The following PCID2 variants were observed in gnomAD, a reference collection of about 807,000 sequenced individuals.
PCID2 encodes PCI domain-containing protein 2.
PCID2 carries 41 observed loss-of-function variants against 61.3 expected under a neutral mutation model. That is an observed-to-expected ratio of 0.67 (90% CI 0.52 to 0.87). PCID2 has a LOEUF of 0.87. PCID2 is among the 40% of genes least tolerant of loss of function. The probability of loss-of-function intolerance (pLI) is 0.00; values close to 1 mark genes in which losing one functional copy is unlikely to be tolerated. For synonymous variants in PCID2, 187 were observed against 177.8 expected, an observed-to-expected ratio of 1.05 and a Z score of -0.41; for missense variants, 392 against 493.4, an observed-to-expected ratio of 0.79 and a Z score of 1.95.
intron 1 of PCID2, 51 bp downstream of exon 1, chr13:113,208,548 A>G: frequency 6.3e-7 from 1 of 1,593,552 alleles, no homozygotes. Context: ...GGACACACGG[A>G]ACACGCCGAG....
intron 6 of PCID2, among the ~76,000 whole-genome samples, chr13:113,191,735 T>G (rs1435819098): frequency 6.6e-6 from 1 of 152,220 alleles, no homozygotes; most frequent in Non-Finnish European, 1.5e-5. Context: ...GCAACAGGCT[T>G]GCAGATGACC....
At chr13:113,172,299 C>A in the PCID2 span, 1 of 678,798 alleles carries the variant, frequency 1.5e-6, no homozygotes, top group Admixed American at 2.6e-5. Context: ...CTTTCTTTCC[C>A]TGGAACTCTT....
chr13:113,198,540 A>G (rs1272342632), intron 2 of PCID2, among the ~76,000 whole-genome samples: 3 of 152,076 alleles, frequency 2.0e-5, no homozygotes, highest in Admixed American at 2.0e-4. Context: ...CGTCTCTACA[A>G]AAAAAATTAC....
chr13:113,177,809 T>TCCTG lies in PCID2; in HGVS notation c.*388_*389insCAGG, dbSNP rs2037245025. ...AATAGATGTATCCTGGAAGATATAATGAAGAACATGCCATGTGTATAAATT... is the reference window on the plus strand; with the variant it reads ...AATAGATGTATCCTGGAAGATATAATCCTGGAAGAACATGCCATGTGTATAAATT... On this transcript the variant is annotated 3_prime_UTR_variant, in exon 14 of 14. Transcript: ENST00000337344. The TCCTG allele has an allele frequency of 6.4e-6, 1 of 157,114 alleles. No individual in the cohort carries two copies. Among genetic ancestry groups the TCCTG allele is most frequent in the African/African-American group, 2.4e-5 (1 of 41,506 alleles). 9.7% of individuals were successfully genotyped at this position (157,114 alleles called of 1,614,324 possible).
chr13:113,196,049 C>G, intron 5 of PCID2, 132 bp downstream of exon 5: 1 of 652,720 alleles, frequency 1.5e-6, no homozygotes, highest in East Asian at 2.5e-5. Context: ...TAGATATTAC[C>G]ATATGTCAAC....
intron 1 of PCID2, 132 bp downstream of exon 1, chr13:113,208,467 C>T (rs1192604581): frequency 5.2e-6 from 8 of 1,529,536 alleles, no homozygotes; most frequent in Non-Finnish European, 6.1e-6. Context: ...CGCGGCTGCC[C>T]GCCGGGGACC....
chr13:113,179,916 C>A lies in PCID2; in HGVS notation c.986+1G>T. 1 of 1,611,962 alleles carries A rather than the reference C, an allele frequency of 6.2e-7. No homozygotes were observed. The highest frequency in any genetic ancestry group is 8.5e-7 in the Non-Finnish European group (1 of 1,179,006). ...GCCCAATGTGCCGGGGAAATGCTTA[C>A]ACTTTCTTAAAGAGGTTCCTGTAGG... On this transcript the variant is annotated splice_donor_variant, in intron 12 of 13. Transcript: ENST00000337344. LOFTEE classifies it high-confidence loss of function. The surrounding 1 kb of genome is among the most constrained non-coding windows in gnomAD (Gnocchi z 4.3).
downstream of PCID2, among the ~76,000 whole-genome samples, chr13:113,174,129 T>C (rs1277038560): frequency 6.6e-6 from 1 of 150,612 alleles, no homozygotes; most frequent in Non-Finnish European, 1.5e-5. Context: ...TCCCAGCTAC[T>C]GAGGAGGCTG....
At chr13:113,198,929 A>G (rs1416937855) in intron 2 of PCID2, among the ~76,000 whole-genome samples, 7 of 152,222 alleles carry the variant, frequency 4.6e-5, no homozygotes, top group African/African-American at 1.7e-4. Context: ...CTAATGAGTT[A>G]CAGATGGTGC....
intron 6 of PCID2, among the ~76,000 whole-genome samples, chr13:113,192,602 C>T (rs1476217344): frequency 6.6e-6 from 1 of 152,162 alleles, no homozygotes; most frequent in African/African-American, 2.4e-5. Context: ...CAAGAAAAAC[C>T]AGAATTCTGG....
At position 113,198,217 on chromosome 13, in the gene PCID2, A is replaced by G; in HGVS notation, c.174T>C (p.Tyr58=). The G allele has an allele frequency of 6.2e-7, 1 of 1,608,478 alleles. No individual in the cohort carries two copies. Among genetic ancestry groups the G allele is most frequent in the Non-Finnish European group, 8.5e-7 (1 of 1,177,660 alleles). ...TTAAATGAGCTGCAAACATTTCATC[A>G]TAAGGGGGTTCCAAGACTTGTTGAC... ...EKCQQVLEPP[Y]DEMFAAHLRC... The change falls in exon 3 of 14, where the codon TAT becomes TAC. Residue 58 remains tyrosine, a synonymous_variant. Coordinates refer to ENST00000337344, the MANE Select transcript of PCID2 (RefSeq NM_001127202.4).
intron 7 of PCID2, chr13:113,186,232 C>G (rs748233976): frequency 2.0e-5 from 3 of 152,530 alleles, no homozygotes; most frequent in African/African-American, 7.2e-5. Context: ...GCCTGCCCCA[C>G]ATGAGGGATG....
At chr13:113,171,848 A>G in the PCID2 span, 3 of 1,613,620 alleles carry the variant, frequency 1.9e-6, no homozygotes, top group Non-Finnish European at 2.5e-6. This position sits in a 1 kb window ranked among gnomAD's most constrained non-coding sequence, Gnocchi z 5.1. Flanking sequence ...CTCGCTGACC[A>G]CGCGGCCTGT....
downstream of PCID2, among the ~76,000 whole-genome samples, chr13:113,176,467 A>C (rs7323626): frequency 8.8e-5 from 3 of 33,980 alleles, 1 homozygote; most frequent in Admixed American, 5.9e-4. Flanking sequence ...CTGTGGCCTT[A>C]TAAGAGGAAG....
chr13:113,178,790 C>T (rs927950136), intron 13 of PCID2, among the ~76,000 whole-genome samples, 176 bp downstream of exon 13: 2 of 152,056 alleles, frequency 1.3e-5, no homozygotes, highest in African/African-American at 4.8e-5. Context: ...CAAGAGTATC[C>T]GTCCCCTCAT....
downstream of PCID2, among the ~76,000 whole-genome samples, chr13:113,174,003 C>T (rs189146843): frequency 5.7e-4 from 86 of 151,190 alleles, 3 homozygotes; most frequent in East Asian, 0.015. Flanking sequence ...CTGAGGCGGG[C>T]GGATCACGAG....
intron 4 of PCID2, 86 bp from the exon 5 acceptor site, chr13:113,196,308 G>C (rs2039011398): frequency 9.3e-7 from 1 of 1,070,086 alleles, no homozygotes. Flanking sequence ...AAATTTTAAG[G>C]AATGTAGATC....
chr13:113,196,022 G>A (rs1420325489), intron 5 of PCID2, among the ~76,000 whole-genome samples, 159 bp downstream of exon 5: 1 of 152,150 alleles, frequency 6.6e-6, no homozygotes, highest in Non-Finnish European at 1.5e-5. Flanking sequence ...CTAGATTTGT[G>A]ACTCCACTCA....
At chr13:113,168,636 G>C in the PCID2 span, among the ~76,000 whole-genome samples, 31,040 of 152,162 alleles carry the variant, frequency 0.2, 3,994 homozygotes, top group East Asian at 0.55. Flanking sequence ...TAATTATACT[G>C]TGTATTGTTT....
Sources: gnomAD v4.1 joint callset for allele counts (sites outside exome capture counted in the v4.1 genomes callset) on GRCh38, gnomAD v4.1.1 for gene constraint, Gnocchi (gnomAD v3.1) non-coding constraint, MANE v1.5 for transcripts, NCBI Gene and HGNC (gene_info 2026-07-23, HGNC 2026-07-21) for gene names.